ZNF462: variants seen among roughly 807,000 people sequenced by gnomAD.
The protein encoded by ZNF462 is zinc finger protein 462.
Under a neutral mutation model 201.9 loss-of-function variants are expected in ZNF462, and 10 were observed. That is an observed-to-expected ratio of 0.05 (90% CI 0.03 to 0.08). The LOEUF (loss-of-function observed/expected upper bound fraction) is 0.08. ZNF462 is among the 10% of genes least tolerant of loss of function. The pLI, the probability that ZNF462 is intolerant of heterozygous loss-of-function variation, is 1.00. For missense variants in ZNF462, 2,523 were observed against 3,168.3 expected (o/e 0.80, Z 4.89); for synonymous variants, 1,227 against 1,193.3 (o/e 1.03, Z -0.58).
intron 1 of ZNF462, among the ~76,000 whole-genome samples, chr9:106,887,435 A>G (rs1293067644): frequency 1.3e-5 from 2 of 152,212 alleles, no homozygotes; most frequent in African/African-American, 2.4e-5. Flanking sequence ...ACAGAGCCCA[A>G]CTGGAACCTT....
rs551302264 is a variant in ZNF462, at chr9:106,924,410, T to C, written c.498T>C (p.Phe166=). 5 of 1,614,166 alleles carry C rather than the reference T, an allele frequency of 3.1e-6. No homozygotes were observed. The African/African-American group carries it at 6.7e-5, about 22-fold the overall frequency. ...EGFGKVFSCQ[F]CTYKSPRRAR... ...TTGGAAAGGTCTTCTCTTGCCAGTT[T>C]TGCACATACAAGTCACCAAGAAGGG... Residue 166 remains phenylalanine, a synonymous_variant, in exon 3 of 13, where the codon TTT becomes TTC. Transcript: ENST00000277225. This position sits in a 1 kb window ranked among gnomAD's most constrained non-coding sequence, Gnocchi z 6.2.
chr9:106,898,259 C>T (rs1055555872), intron 1 of ZNF462, among the ~76,000 whole-genome samples: 15 of 152,064 alleles, frequency 9.9e-5, no homozygotes, highest in Admixed American at 6.6e-4. Context: ...ACTCACAATG[C>T]GCTGTGGGGA....
At position 106,966,774 on chromosome 9, in the gene ZNF462, T is replaced by A. The variant is rs151244291; in HGVS notation, c.6428-5231T>A. On this transcript the variant is annotated intron_variant, in intron 7 of 12. Transcript: ENST00000277225. This position sits in a 1 kb window ranked among gnomAD's most constrained non-coding sequence, Gnocchi z 4.4. ...TTTGCCCCTTGGCCACCTCTAAAAT[T>A]TGCTTGCCTAAAATTCCTTGTCTTT... 4.8e-3 allele frequency among the ~76,000 whole-genome samples: 735 copies of A among 152,206 alleles called. 5 individuals carry two copies. The highest frequency in any genetic ancestry group is 0.017 in the African/African-American group (696 of 41,542).
upstream of ZNF462, among the ~76,000 whole-genome samples, chr9:106,862,826 TC>T (rs1387836061): frequency 2.6e-5 from 4 of 152,168 alleles, no homozygotes; most frequent in Non-Finnish European, 5.9e-5. The surrounding 1 kb of genome is among the most constrained non-coding windows in gnomAD (Gnocchi z 4.2). Context: ...CTAGCCTTTT[TC>T]CTCATTTCTT....
In ZNF462 at chr9:106,962,086, G is replaced by A. The variant is rs11790439; in HGVS notation, c.6428-9919G>A. On this transcript the variant is annotated intron_variant, in intron 7 of 12. Transcript: ENST00000277225. The surrounding 1 kb of genome is among the most constrained non-coding windows in gnomAD (Gnocchi z 4.6). ...GGCTTTTTTCTGTAAGAAAGTGAGT[G>A]TCATGATCACATTTGCATTTTAGAA... 0.17 allele frequency among the ~76,000 whole-genome samples: 26,179 copies of A among 151,886 alleles called. 2,838 individuals carry two copies. The highest frequency in any genetic ancestry group is 0.3 in the African/African-American group (12,501 of 41,382).
Position 106,882,543 on chromosome 9 carries a change from C to G in ZNF462, c.-31+19188C>G, listed in dbSNP as rs569472890. ...TATGTACATTTTGAAGTAAGAATGT[C>G]TAACAGTCTAGGTTAAAGAAGCCAA... On this transcript the variant is annotated intron_variant, in intron 1 of 12. Transcript: ENST00000277225. Among the ~76,000 whole-genome samples, 82 of 152,286 alleles carry G rather than the reference C, an allele frequency of 5.4e-4. No homozygotes were observed. In the South Asian group the frequency reaches 0.015, roughly 27 times the overall value.
chr9:107,002,377 G>A (rs1166850280), intron 10 of ZNF462, among the ~76,000 whole-genome samples: 1 of 152,130 alleles, frequency 6.6e-6, no homozygotes, highest in East Asian at 1.9e-4. Context: ...GTAGCCCATG[G>A]CAATTTTTTG....
Position 106,977,137 on chromosome 9 carries a change from T to G in ZNF462, c.6832+2864T>G, listed in dbSNP as rs1827065408. 1.3e-5 allele frequency among the ~76,000 whole-genome samples: 2 copies of G among 152,156 alleles called. No individual in the cohort carries two copies. The highest frequency in any genetic ancestry group is 1.3e-4 in the Admixed American group (2 of 15,276). On this transcript the variant is annotated intron_variant, in intron 9 of 12. Coordinates refer to ENST00000277225, the MANE Select transcript of ZNF462 (RefSeq NM_021224.6). The surrounding 1 kb of genome is among the most constrained non-coding windows in gnomAD (Gnocchi z 4.6). ...CATCTGTGTCCCGGCCTGGCTTTGG[T>G]GTCCATCTCTACTCAAAATGGCAGC... is the stretch of plus-strand genomic sequence containing the variant.
intron 7 of ZNF462, among the ~76,000 whole-genome samples, chr9:106,957,462 C>T (rs932638829): frequency 4.6e-5 from 7 of 151,984 alleles, no homozygotes; most frequent in East Asian, 1.9e-4. Flanking sequence ...TTGCATGACA[C>T]GGACACAGGA....
At chr9:106,884,798 T>C (rs1828249157) in intron 1 of ZNF462, among the ~76,000 whole-genome samples, 1 of 152,212 alleles carries the variant, frequency 6.6e-6, no homozygotes, top group African/African-American at 2.4e-5. Flanking sequence ...TTGTTCCATA[T>C]GGCTTCCTGC....
chr9:106,871,928 G>T (rs1341267281), intron 1 of ZNF462, among the ~76,000 whole-genome samples: 8 of 152,188 alleles, frequency 5.3e-5, no homozygotes, highest in Non-Finnish European at 1.2e-4. Context: ...TTTTCAGAGG[G>T]GAAAGGAATG....
intron 10 of ZNF462, among the ~76,000 whole-genome samples, chr9:107,002,154 CCTGTGTCCTCATCATCTAG>C (rs1209030123): frequency 2.0e-4 from 31 of 152,174 alleles, no homozygotes; most frequent in African/African-American, 6.5e-4. Context: ...TCTTTCCTCT[CCTGTGTCCTCATCATCTAG>C]CTGTGTCCTC....
At chr9:106,949,757 A>G (rs1477691694) in intron 7 of ZNF462, among the ~76,000 whole-genome samples, 1 of 152,160 alleles carries the variant, frequency 6.6e-6, no homozygotes, top group African/African-American at 2.4e-5. Context: ...TGACTGGCTC[A>G]CAGCCTTGCT....
intron 7 of ZNF462, among the ~76,000 whole-genome samples, chr9:106,956,374 G>A (rs760258526): frequency 2.0e-5 from 3 of 152,160 alleles, no homozygotes; most frequent in Non-Finnish European, 4.4e-5. Context: ...CCAACAGTGA[G>A]CTTCAAATAT....
intron 7 of ZNF462, among the ~76,000 whole-genome samples, chr9:106,958,596 G>C (rs909645547): frequency 7.2e-5 from 11 of 152,094 alleles, no homozygotes; most frequent in African/African-American, 2.7e-4. Flanking sequence ...TGAGTAGTAA[G>C]CAAACACCCC....
rs1830075840 is a variant in ZNF462, at chr9:106,923,686, T to C, written c.220+83T>C. On this transcript the variant is annotated intron_variant, in intron 2 of 12. Transcript: ENST00000277225. This position sits in a 1 kb window ranked among gnomAD's most constrained non-coding sequence, Gnocchi z 5.6. ...TAGCCTGTAGCCATGGTTCTTAATA[T>C]ACGTGGCTTTTGCAGAGTTTCTTGT... The C allele has an allele frequency of 4.2e-6, 6 of 1,436,664 alleles. No homozygotes were observed. The highest frequency in any genetic ancestry group is 1.4e-5 in the African/African-American group (1 of 70,460). The allele number at this position is 1,436,664 out of a possible 1,614,324, so 89.0% of individuals were successfully genotyped here.
rs1829766172 is a variant in ZNF462 at position 107,009,076 on chromosome 9, G to A, written c.7190-469G>A. 1 of 156,040 alleles carries A rather than the reference G, an allele frequency of 6.4e-6. No homozygotes were observed. Among genetic ancestry groups the A allele is most frequent in the African/African-American group, 2.4e-5 (1 of 41,520 alleles). 9.7% of individuals were successfully genotyped at this position (156,040 alleles called of 1,614,324 possible). The stretch of plus-strand genomic sequence containing the variant: ...CTTACTTGGAACAAGTAGAAACCCT[G>A]AGGTCCACAACACATAACCTGGTCC... On this transcript the variant is annotated intron_variant, in intron 11 of 12. Coordinates refer to ENST00000277225, the MANE Select transcript of ZNF462 (RefSeq NM_021224.6). The surrounding 1 kb of genome is among the most constrained non-coding windows in gnomAD (Gnocchi z 6.1).
intron 7 of ZNF462, among the ~76,000 whole-genome samples, chr9:106,957,529 C>G (rs1303761590): frequency 6.6e-6 from 1 of 152,048 alleles, no homozygotes; most frequent in Non-Finnish European, 1.5e-5. Context: ...GTTAAACCTT[C>G]AACTTGGAAA....
At chr9:106,992,024 A>G (rs1244767893) in intron 10 of ZNF462, among the ~76,000 whole-genome samples, 1 of 151,970 alleles carries the variant, frequency 6.6e-6, no homozygotes, top group Admixed American at 6.6e-5. Flanking sequence ...TAAAAGAAAA[A>G]AGAAGACACC....
Sources: gnomAD v4.1 joint callset for allele counts (sites outside exome capture counted in the v4.1 genomes callset) on GRCh38, gnomAD v4.1.1 for gene constraint, Gnocchi (gnomAD v3.1) non-coding constraint, MANE v1.5 for transcripts, NCBI Gene and HGNC (gene_info 2026-07-23, HGNC 2026-07-21) for gene names.